MTHFD1L: variants seen among roughly 807,000 people sequenced by gnomAD.
MTHFD1L encodes methylenetetrahydrofolate dehydrogenase (NADP+ dependent) 1 like, also known as monofunctional C1-tetrahydrofolate synthase, mitochondrial.
Under a neutral mutation model 119.5 loss-of-function variants are expected in MTHFD1L, and 81 were observed. The ratio of observed to expected loss-of-function variants is 0.68; its 90% CI spans 0.57 to 0.82. The LOEUF (loss-of-function observed/expected upper bound fraction) is 0.82. Ranked by LOEUF, MTHFD1L falls within the 40% of genes least tolerant of loss-of-function variation. MTHFD1L has a pLI of 0.00. For synonymous variants in MTHFD1L, 430 were observed against 475.2 expected (o/e 0.90, Z 1.24); for missense variants, 1,125 against 1,253.4 (o/e 0.90, Z 1.55).
intron 4 of MTHFD1L, among the ~76,000 whole-genome samples, chr6:150,881,586 C>T (rs73011395): frequency 0.022 from 3,348 of 152,206 alleles, 68 homozygotes; most frequent in Non-Finnish European, 0.037. Context: ...GCTTGGACAT[C>T]GTGGCCTCTG....
At chr6:150,866,115 G>A in intron 1 of MTHFD1L, 66 bp downstream of exon 1, 2 of 1,456,892 alleles carry the variant, frequency 1.4e-6, no homozygotes, top group Non-Finnish European at 1.8e-6. Flanking sequence ...GGGGCGGAGC[G>A]CCCGGGACCG....
chr6:151,052,206 A>G (rs1376689728), intron 26 of MTHFD1L, among the ~76,000 whole-genome samples: 1 of 152,244 alleles, frequency 6.6e-6, no homozygotes. Flanking sequence ...CAAGTTGGCC[A>G]TCAGACAGTT....
chr6:151,080,546 T>C (rs1793041626), intron 26 of MTHFD1L, among the ~76,000 whole-genome samples: 2 of 152,182 alleles, frequency 1.3e-5, no homozygotes, highest in African/African-American at 4.8e-5. Context: ...GTTAGGAGTC[T>C]TTCGGTCCAG....
intron 6 of MTHFD1L, among the ~76,000 whole-genome samples, chr6:150,886,905 A>G (rs750305825): frequency 6.6e-5 from 10 of 151,384 alleles, no homozygotes; most frequent in Non-Finnish European, 1.2e-4. Context: ...CTGAGGTAGG[A>G]GAATGGCTGG....
rs1221402895 is a variant in MTHFD1L at position 151,004,543 on chromosome 6, T to G, written c.2126-5276T>G. 2.0e-5 allele frequency among the ~76,000 whole-genome samples: 3 copies of G among 152,186 alleles called. No individual in the cohort carries two copies. The East Asian group carries it at 5.8e-4, about 29-fold the overall frequency. On this transcript the variant is annotated intron_variant, in intron 20 of 27. Transcript: ENST00000367321. ...TTCTGCTTAATTTTTACAACACAAC[T>G]CTGGCCGCACCCGTGGATGATCATG... is the stretch of plus-strand genomic sequence containing the variant.
At chr6:150,930,482 A>G (rs1279421966) in intron 11 of MTHFD1L, among the ~76,000 whole-genome samples, 1 of 152,106 alleles carries the variant, frequency 6.6e-6, no homozygotes, top group Non-Finnish European at 1.5e-5. Flanking sequence ...AATTCTGAAA[A>G]TAATATTAGC....
chr6:151,047,268 T>G (rs1370151047), intron 26 of MTHFD1L, among the ~76,000 whole-genome samples: 1 of 152,222 alleles, frequency 6.6e-6, no homozygotes, highest in Non-Finnish European at 1.5e-5. Flanking sequence ...AAGTAAGGAC[T>G]TACCGTATAT....
intron 26 of MTHFD1L, among the ~76,000 whole-genome samples, chr6:151,049,408 C>T (rs1343128383): frequency 9.9e-5 from 15 of 150,870 alleles, no homozygotes; most frequent in African/African-American, 2.4e-4. Flanking sequence ...AGGAGAATGG[C>T]GTGAACCCGG....
chr6:151,080,985 C>G (rs1269609240), intron 26 of MTHFD1L, among the ~76,000 whole-genome samples: 3 of 152,142 alleles, frequency 2.0e-5, no homozygotes, highest in African/African-American at 7.2e-5. Context: ...CTCCCTACAG[C>G]CTCGACTTCC....
intron 26 of MTHFD1L, among the ~76,000 whole-genome samples, chr6:151,037,739 C>T (rs1213798538): frequency 6.6e-6 from 1 of 152,170 alleles, no homozygotes; most frequent in Non-Finnish European, 1.5e-5. Flanking sequence ...TGCTTAAAAT[C>T]CATGAAGATG....
intron 16 of MTHFD1L, 64 bp downstream of exon 16, chr6:150,949,197 G>T (rs1019221450): frequency 1.5e-6 from 2 of 1,343,386 alleles, no homozygotes; most frequent in South Asian, 1.2e-5. Flanking sequence ...GAGCCGAAGC[G>T]CTTAAATTCA....
chr6:151,012,019 C>CAAAAAAAAAAAAAAAAAAAA (rs1043831602), intron 21 of MTHFD1L, among the ~76,000 whole-genome samples: 7 of 58,806 alleles, frequency 1.2e-4, no homozygotes, highest in Admixed American at 2.4e-4. Context: ...ACAACAACAA[C>CAAAAAAAAAAAAAAAAAAAA]AAAAAAAAAA....
chr6:150,973,374 C>T (rs1382870640), intron 20 of MTHFD1L, among the ~76,000 whole-genome samples: 3 of 152,178 alleles, frequency 2.0e-5, no homozygotes. Flanking sequence ...CTCTCATGTA[C>T]TTTGCTCCTT....
chr6:151,076,013 T>C (rs1484963745), intron 26 of MTHFD1L, among the ~76,000 whole-genome samples: 1 of 152,160 alleles, frequency 6.6e-6, no homozygotes, highest in African/African-American at 2.4e-5. Context: ...TCACAGGCAT[T>C]AGGGAAATGG....
At chr6:150,890,123 T>A (rs1782976908) in intron 7 of MTHFD1L, among the ~76,000 whole-genome samples, 1 of 151,936 alleles carries the variant, frequency 6.6e-6, no homozygotes, top group Non-Finnish European at 1.5e-5. Flanking sequence ...ACCATTGTAC[T>A]CCAGCCTGGG....
intron 15 of MTHFD1L, among the ~76,000 whole-genome samples, chr6:150,946,530 T>G (rs1303681348): frequency 6.6e-6 from 1 of 152,230 alleles, no homozygotes; most frequent in East Asian, 1.9e-4. Context: ...TCTTATCTTT[T>G]TTCTGATGCC....
intron 24 of MTHFD1L, chr6:151,022,079 C>T (rs933098379): frequency 2.1e-6 from 1 of 470,864 alleles, no homozygotes; most frequent in African/African-American, 2.0e-5. Context: ...CAAAACAAAC[C>T]ACGAAGACAG....
intron 11 of MTHFD1L, among the ~76,000 whole-genome samples, chr6:150,927,199 T>C (rs1790151409): frequency 6.6e-6 from 1 of 152,164 alleles, no homozygotes; most frequent in Non-Finnish European, 1.5e-5. Flanking sequence ...GTAGAAATAT[T>C]CTAAAAATTC....
intron 1 of MTHFD1L, among the ~76,000 whole-genome samples, chr6:150,873,608 CTG>C (rs1562291245): frequency 6.6e-6 from 1 of 152,144 alleles, no homozygotes; most frequent in African/African-American, 2.4e-5. Flanking sequence ...TACCTGGACT[CTG>C]TTAAAAATGC....
Sources: gnomAD v4.1 joint callset for allele counts (sites outside exome capture counted in the v4.1 genomes callset) on GRCh38, gnomAD v4.1.1 for gene constraint, MANE v1.5 for transcripts, NCBI Gene and HGNC (gene_info 2026-07-23, HGNC 2026-07-21) for gene names.